The following FHIT variants were observed in gnomAD, a reference collection of about 807,000 sequenced individuals.
FHIT encodes bis(5'-adenosyl)-triphosphatase.
In FHIT, 19 loss-of-function variants were observed where a neutral mutation model predicts 17.9. The ratio of observed to expected loss-of-function variants is 1.06; its 90% CI spans 0.74 to 1.56. FHIT has a LOEUF of 1.56. FHIT is among the 40% of genes most tolerant of loss of function. The probability of loss-of-function intolerance (pLI) is 0.00; values close to 1 mark genes in which losing one functional copy is unlikely to be tolerated. For synonymous variants in FHIT, 81 were observed against 69.7 expected, an observed-to-expected ratio of 1.16 and a Z score of -0.81; for missense variants, 248 against 189.2, an observed-to-expected ratio of 1.31 and a Z score of -1.82.
At chr3:60,493,229 C>T (rs1371828529) in intron 5 of FHIT, among the ~76,000 whole-genome samples, 1 of 152,108 alleles carries the variant, frequency 6.6e-6, no homozygotes, top group Non-Finnish European at 1.5e-5. Context: ...ACAAAAAGTG[C>T]CTATGACGTG....
intron 7 of FHIT, among the ~76,000 whole-genome samples, chr3:59,982,942 C>T (rs1448801959): frequency 2.6e-5 from 4 of 151,902 alleles, no homozygotes; most frequent in South Asian, 2.1e-4. Flanking sequence ...GTGCATTAGC[C>T]AGGATTCTTT....
intron 2 of FHIT, among the ~76,000 whole-genome samples, chr3:61,085,672 G>A (rs764726145): frequency 2.0e-5 from 3 of 151,834 alleles, no homozygotes; most frequent in South Asian, 2.1e-4. Context: ...CTTGATTTTG[G>A]TGTTATATCT....
chr3:60,954,018 T>G (rs1709007337), intron 3 of FHIT, among the ~76,000 whole-genome samples: 1 of 152,214 alleles, frequency 6.6e-6, no homozygotes, highest in African/African-American at 2.4e-5. Context: ...CCTTCATCAC[T>G]GCACCCTAAT....
chr3:59,823,994 CAA>C (rs1346779936), intron 8 of FHIT, among the ~76,000 whole-genome samples: 2 of 152,180 alleles, frequency 1.3e-5, no homozygotes, highest in African/African-American at 2.4e-5. Context: ...GTGAATTCAA[CAA>C]AGTTTCAAGA....
chr3:60,627,330 ATATT>A, intron 4 of FHIT, among the ~76,000 whole-genome samples: 2 of 152,164 alleles, frequency 1.3e-5, no homozygotes, highest in Non-Finnish European at 2.9e-5. Flanking sequence ...TAAAAAATAT[ATATT>A]CAGTCTTTTT....
intron 5 of FHIT, among the ~76,000 whole-genome samples, chr3:60,369,398 G>A (rs1405664026): frequency 6.6e-6 from 1 of 152,110 alleles, no homozygotes; most frequent in Non-Finnish European, 1.5e-5. Context: ...TTATAGCTAT[G>A]GTAACTCTAA....
intron 7 of FHIT, among the ~76,000 whole-genome samples, chr3:59,946,166 T>C (rs933176589): frequency 1.2e-4 from 19 of 152,218 alleles, no homozygotes; most frequent in African/African-American, 4.1e-4. Flanking sequence ...GAGCATGGAA[T>C]GTTTCTCCAT....
chr3:59,851,756 A>T (rs920672056), intron 8 of FHIT, among the ~76,000 whole-genome samples: 3 of 152,218 alleles, frequency 2.0e-5, no homozygotes, highest in Non-Finnish European at 4.4e-5. Context: ...ATCCCCAGTG[A>T]TGCTACATGC....
At chr3:60,727,711 A>T (rs1236374009) in intron 4 of FHIT, among the ~76,000 whole-genome samples, 1 of 152,246 alleles carries the variant, frequency 6.6e-6, no homozygotes, top group Non-Finnish European at 1.5e-5. Context: ...CAGTAATTTA[A>T]AAGGAGCATA....
At chr3:61,167,601 C>T (rs1440282464) in intron 2 of FHIT, among the ~76,000 whole-genome samples, 1 of 133,474 alleles carries the variant, frequency 7.5e-6, no homozygotes, top group South Asian at 2.3e-4. Flanking sequence ...TGCACTCCAG[C>T]CTGGGCAGCA....
At chr3:61,222,506 T>C (rs2039866975) in intron 1 of FHIT, among the ~76,000 whole-genome samples, 1 of 152,318 alleles carries the variant, frequency 6.6e-6, no homozygotes, top group East Asian at 1.9e-4. Flanking sequence ...CTCTCTTTAC[T>C]AATGCAGACA....
At chr3:60,366,335 G>A (rs946590422) in intron 5 of FHIT, among the ~76,000 whole-genome samples, 2 of 152,140 alleles carry the variant, frequency 1.3e-5, no homozygotes, top group African/African-American at 4.8e-5. Flanking sequence ...ATGTTGGCCA[G>A]GCTGCTCTCA....
chr3:59,986,520 TATATATATATATATATATATACAC>T lies in FHIT; in HGVS notation c.279+24827_279+24850del, dbSNP rs1300010096. On this transcript the variant is annotated intron_variant, in intron 7 of 9. Transcript: ENST00000492590. ...CAAAATATATATATATATATATATA[TATATATATATATATATATATACAC>T]ACACACACACACACACACACACACA... Among the ~76,000 whole-genome samples the T allele has an allele frequency of 4.9e-3, 64 of 13,120 alleles. 6 individuals are homozygous for T. Among genetic ancestry groups the T allele is most frequent in the Admixed American group, 9.6e-3 (7 of 732 alleles). 8.6% of individuals were successfully genotyped at this position (13,120 alleles called of 152,430 possible).
intron 3 of FHIT, among the ~76,000 whole-genome samples, chr3:61,032,124 C>A (rs1162014480): frequency 6.6e-6 from 1 of 152,304 alleles, no homozygotes; most frequent in East Asian, 1.9e-4. Flanking sequence ...ATAGTTCATT[C>A]GTGTATTCCT....
intron 3 of FHIT, among the ~76,000 whole-genome samples, chr3:60,934,299 GA>G (rs1708092150): frequency 2.0e-5 from 3 of 151,970 alleles, no homozygotes; most frequent in African/African-American, 7.2e-5. Context: ...AAAAAGAAAA[GA>G]AAAAATAACT....
intron 5 of FHIT, among the ~76,000 whole-genome samples, chr3:60,041,704 G>C (rs1165475691): frequency 6.6e-6 from 1 of 152,174 alleles, no homozygotes; most frequent in Non-Finnish European, 1.5e-5. Context: ...GACCACTCAG[G>C]ACACCCACAA....
intron 5 of FHIT, among the ~76,000 whole-genome samples, chr3:60,522,879 G>A (rs2035426240): frequency 6.6e-6 from 1 of 152,034 alleles, no homozygotes; most frequent in African/African-American, 2.4e-5. Context: ...TGGTTTTCAG[G>A]CTGCTAAAGA....
At chr3:60,872,068 A>G (rs533449322) in intron 3 of FHIT, among the ~76,000 whole-genome samples, 3 of 152,268 alleles carry the variant, frequency 2.0e-5, no homozygotes, top group Non-Finnish European at 2.9e-5. Flanking sequence ...TTACAAGATC[A>G]TACTTCAGTA....
chr3:60,195,099 G>T (rs1702567646), intron 5 of FHIT, among the ~76,000 whole-genome samples: 1 of 152,094 alleles, frequency 6.6e-6, no homozygotes, highest in Non-Finnish European at 1.5e-5. Context: ...CCAGAAGGCG[G>T]ACGTTGCAGT....
Sources: allele counts gnomAD v4.1 joint callset (sites outside exome capture counted in the v4.1 genomes callset), GRCh38; gene constraint gnomAD v4.1.1; transcripts MANE v1.5; gene names NCBI Gene and HGNC (gene_info 2026-07-23, HGNC 2026-07-21).